Variants in CACNA1A observed in about 807,000 individuals in gnomAD.
CACNA1A encodes the protein calcium voltage-gated channel subunit alpha1 A.
Under a neutral mutation model 262.4 loss-of-function variants are expected in CACNA1A, and 57 were observed. That is an observed-to-expected ratio of 0.22 (90% confidence interval 0.18 to 0.27). CACNA1A has a LOEUF of 0.27. CACNA1A is among the 10% of genes least tolerant of loss of function. CACNA1A has a pLI of 1.00. For missense variants in CACNA1A, 2,526 were observed against 3,562.8 expected (o/e 0.71, Z 7.41); for synonymous variants, 1,431 against 1,419.3 (o/e 1.01, Z -0.18).
In CACNA1A at chr19:13,212,034, TG is replaced by T; in HGVS notation, c.6303+68del. Reference sequence around the variant, plus strand: ...GGGAGGGGATGCACTGGGCTGCTTGTGGGGGGGCCTGGCCCTACCCAGTGCA... The same window carrying T: ...GGGAGGGGATGCACTGGGCTGCTTGTGGGGGGCCTGGCCCTACCCAGTGCA... On this transcript the variant is annotated intron_variant, in intron 43 of 46. Transcript: ENST00000360228. This position sits in a 1 kb window ranked among gnomAD's most constrained non-coding sequence, Gnocchi z 5.6. The T allele has an allele frequency of 6.2e-6, 7 of 1,130,200 alleles. No individual in the cohort carries two copies. The highest frequency in any genetic ancestry group is 1.3e-5 in the South Asian group (1 of 76,464). The allele number at this position is 1,130,200 out of a possible 1,614,324, so 70.0% of individuals were successfully genotyped here. A position where few individuals can be genotyped will look rare whatever the true frequency, so the allele number is the denominator to read the frequency against.
intron 19 of CACNA1A, among the ~76,000 whole-genome samples, chr19:13,290,037 T>C (rs894709676): frequency 2.6e-5 from 4 of 151,610 alleles, no homozygotes; most frequent in African/African-American, 9.7e-5. Flanking sequence ...CAAGTGATTC[T>C]CCTGCCTCAG....
chr19:13,388,441 A>T (rs1174305532), intron 3 of CACNA1A, among the ~76,000 whole-genome samples: 1 of 151,598 alleles, frequency 6.6e-6, no homozygotes, highest in Non-Finnish European at 1.5e-5. Flanking sequence ...TTTTTAGTAG[A>T]GACAGGGTTT....
chr19:13,374,494 C>A (rs1019079294), intron 3 of CACNA1A, among the ~76,000 whole-genome samples: 1 of 152,146 alleles, frequency 6.6e-6, no homozygotes, highest in Non-Finnish European at 1.5e-5. Context: ...AAGTGATCCT[C>A]TCACCTCAGC....
intron 6 of CACNA1A, among the ~76,000 whole-genome samples, chr19:13,352,516 C>T (rs1348087534): frequency 6.6e-6 from 1 of 151,988 alleles, no homozygotes; most frequent in Non-Finnish European, 1.5e-5. Context: ...CAGCTTGGTA[C>T]AGTGTCCTCC....
chr19:13,291,032 T>G (rs886249270), intron 19 of CACNA1A, among the ~76,000 whole-genome samples: 6 of 152,238 alleles, frequency 3.9e-5, no homozygotes, highest in Non-Finnish European at 5.9e-5. Context: ...CTAATATCAA[T>G]TTCCGGGAGG....
At chr19:13,305,600 T>G (rs1158575061) in intron 15 of CACNA1A, among the ~76,000 whole-genome samples, 1 of 152,192 alleles carries the variant, frequency 6.6e-6, no homozygotes, top group Non-Finnish European at 1.5e-5. Flanking sequence ...TTGTAGGATA[T>G]TGAGCAGCAT....
At chr19:13,394,304 T>C (rs1202185432) in intron 3 of CACNA1A, among the ~76,000 whole-genome samples, 6 of 152,134 alleles carry the variant, frequency 3.9e-5, no homozygotes, top group East Asian at 1.9e-4. Context: ...TTCTCTGCAA[T>C]GCTCTCAGGT....
In CACNA1A at chr19:13,336,594, G is replaced by GGAGAGAGAGGGAGAGAGAGAGAGAGAGA. The variant is rs1555768093; in HGVS notation, c.979-686_979-685insTCTCTCTCTCTCTCTCTCCCTCTCTCTC. Among the ~76,000 whole-genome samples the GGAGAGAGAGGGAGAGAGAGAGAGAGAGA allele has an allele frequency of 1.3e-3, 85 of 65,470 alleles. 2 individuals are homozygous for GGAGAGAGAGGGAGAGAGAGAGAGAGAGA. Among genetic ancestry groups the GGAGAGAGAGGGAGAGAGAGAGAGAGAGA allele is most frequent in the East Asian group, 3.9e-3 (7 of 1,786 alleles). 43.0% of individuals were successfully genotyped at this position (65,470 alleles called of 152,430 possible). A position where few individuals can be genotyped will look rare whatever the true frequency, so the allele number is the denominator to read the frequency against. On this transcript the variant is annotated intron_variant, in intron 6 of 46. Transcript: ENST00000360228. ...GAGAAAGAGAGACAGAGAGAGAGAG[G>GGAGAGAGAGGGAGAGAGAGAGAGAGAGA]GAGAGAGAGAGAGAGAGAGAGAGAG...
At chr19:13,231,592 A>G (rs1364844788) in intron 35 of CACNA1A, 118 bp downstream of exon 35, 2 of 1,048,296 alleles carry the variant, frequency 1.9e-6, no homozygotes, top group Non-Finnish European at 2.8e-6. Context: ...AGGCTGGTTC[A>G]GAGAAGCCTT....
chr19:13,370,189 C>T (rs1385365502), intron 4 of CACNA1A, among the ~76,000 whole-genome samples: 1 of 151,834 alleles, frequency 6.6e-6, no homozygotes, highest in Non-Finnish European at 1.5e-5. Flanking sequence ...CAACCTCCGC[C>T]CCCCGGGTTC....
intron 3 of CACNA1A, among the ~76,000 whole-genome samples, chr19:13,416,317 G>A (rs1032294345): frequency 2.6e-5 from 4 of 151,970 alleles, no homozygotes; most frequent in Non-Finnish European, 5.9e-5. Flanking sequence ...TGCCCAGGCT[G>A]GTCTCAAACT....
At chr19:13,435,295 T>C (rs2060589515) in intron 3 of CACNA1A, among the ~76,000 whole-genome samples, 1 of 151,228 alleles carries the variant, frequency 6.6e-6, no homozygotes, top group Non-Finnish European at 1.5e-5. Context: ...TTTTTTTTTT[T>C]AGAAGAGATG....
intron 15 of CACNA1A, among the ~76,000 whole-genome samples, chr19:13,304,173 T>C (rs1029572815): frequency 5.3e-5 from 8 of 151,982 alleles, no homozygotes; most frequent in Non-Finnish European, 4.4e-5. Context: ...TTACTTGATG[T>C]GATTAAGGGG....
At chr19:13,294,510 T>TTTTTTA (rs2057620485) in intron 19 of CACNA1A, among the ~76,000 whole-genome samples, 1 of 140,124 alleles carries the variant, frequency 7.1e-6, no homozygotes. Context: ...TTTTTTTTTT[T>TTTTTTA]GAGACAGAGT....
chr19:13,365,487 G>T lies in CACNA1A; in HGVS notation c.632-18C>A, dbSNP rs1057523722. Reference sequence around the variant, plus strand: ...TTGTAAACCTGGGGGGACACAGAGAGAGGCCCCATAAGCCCATGAGCAAGT... The same window carrying T: ...TTGTAAACCTGGGGGGACACAGAGATAGGCCCCATAAGCCCATGAGCAAGT... On this transcript the variant is annotated intron_variant, in intron 4 of 46. Coordinates refer to ENST00000360228, the MANE Select transcript of CACNA1A (RefSeq NM_001127222.2). 6.2e-7 allele frequency: 1 copy of T among 1,612,318 alleles called. No individual in the cohort carries two copies. The highest frequency in any genetic ancestry group is 8.5e-7 in the Non-Finnish European group (1 of 1,178,856).
At position 13,298,634 on chromosome 19, in the gene CACNA1A, T is replaced by C; in HGVS notation, c.2999A>G (p.Glu1000Gly). The change falls in exon 19 of 47, where the codon GAG (glutamate) becomes GGG (glycine). Residue 1000 changes from glutamate to glycine, a missense_variant. Physicochemically the swap from Glu to Gly is moderately conservative, Grantham distance 98. Coordinates refer to ENST00000360228, the MANE Select transcript of CACNA1A (RefSeq NM_001127222.2). Reference sequence around the variant, plus strand: ...GCCATGCCGGTGCCTTCTCCTGCGCTCGCCCCCGTCGGGGCCCTCGCCCTC... The same window carrying C: ...GCCATGCCGGTGCCTTCTCCTGCGCCCGCCCCCGTCGGGGCCCTCGCCCTC... ...EGEGEGPDGG[E>G]RRRRHRHGAP... The C allele has an allele frequency of 6.6e-7, 1 of 1,525,216 alleles. No individual in the cohort carries two copies. The highest frequency in any genetic ancestry group is 8.8e-7 in the Non-Finnish European group (1 of 1,135,696). The allele number at this position is 1,525,216 out of a possible 1,614,324, so 94.5% of individuals were successfully genotyped here. A position where few individuals can be genotyped will look rare whatever the true frequency, so the allele number is the denominator to read the frequency against.
intron 6 of CACNA1A, among the ~76,000 whole-genome samples, chr19:13,352,895 C>T (rs2058940484): frequency 1.3e-5 from 2 of 151,856 alleles, no homozygotes; most frequent in Admixed American, 6.6e-5. Context: ...GCCTCAGCCT[C>T]CCAAGTAGCT....
rs770177767 is a variant in CACNA1A, at chr19:13,214,636, A to C, written c.5732-28T>G. 6 of 1,552,520 alleles carry C rather than the reference A, an allele frequency of 3.9e-6. No individual in the cohort carries two copies. Among genetic ancestry groups the C allele is most frequent in the East Asian group, 2.3e-5 (1 of 44,364 alleles). On this transcript the variant is annotated intron_variant, in intron 38 of 46. Coordinates refer to ENST00000360228, the MANE Select transcript of CACNA1A (RefSeq NM_001127222.2). The surrounding 1 kb of genome is among the most constrained non-coding windows in gnomAD (Gnocchi z 4.1). ...GCAATGGGGGTGTAGACAGACCCTG[A>C]CTGCCTGCCTGGGTGTCAGCTGGAC...
In CACNA1A at chr19:13,286,516, G is replaced by A; in HGVS notation, c.3540C>T (p.His1180=). 1 of 1,466,914 alleles carries A rather than the reference G, an allele frequency of 6.8e-7. No individual in the cohort carries two copies. The highest frequency in any genetic ancestry group is 1.4e-5 in the African/African-American group (1 of 70,710). The allele number at this position is 1,466,914 out of a possible 1,614,324, so 90.9% of individuals were successfully genotyped here. The change falls in exon 20 of 47, where the codon CAC becomes CAT. Residue 1180 remains histidine, a synonymous_variant. Transcript: ENST00000360228. ...AGAGGGTCTCACCTTGTACGACGGTGTGGTTGAGGGGGGGTGGGCAGGCTG... is the reference window on the plus strand; with the variant it reads ...AGAGGGTCTCACCTTGTACGACGGTATGGTTGAGGGGGGGTGGGCAGGCTG... ...IPPACPPPLN[H]TVVQVNKNAN... is the part of the protein sequence containing the mutation.
Sources: allele counts gnomAD v4.1 joint callset (sites outside exome capture counted in the v4.1 genomes callset), GRCh38; gene constraint gnomAD v4.1.1; non-coding constraint Gnocchi (gnomAD v3.1); transcripts MANE v1.5; gene names NCBI Gene and HGNC (gene_info 2026-07-23, HGNC 2026-07-21).